HTR4: variants seen among roughly 807,000 people sequenced by gnomAD.
HTR4 encodes the protein 5-hydroxytryptamine receptor 4.
Under a neutral mutation model 36.8 loss-of-function variants are expected in HTR4, and 16 were observed. The observed-to-expected ratio is 0.43, with a 90% CI of 0.29 to 0.66. The LOEUF is 0.66. Ranked by LOEUF, HTR4 falls within the 30% of genes least tolerant of loss-of-function variation. The probability of loss-of-function intolerance (pLI) is 0.13; values close to 1 mark genes in which losing one functional copy is unlikely to be tolerated. For synonymous variants in HTR4, 189 were observed against 185.1 expected (o/e 1.02, Z -0.17); for missense variants, 438 against 490.9 (o/e 0.89, Z 1.02).
intron 6 of HTR4, among the ~76,000 whole-genome samples, chr5:148,499,417 T>C (rs1010248469): frequency 2.6e-5 from 4 of 152,144 alleles, no homozygotes; most frequent in Non-Finnish European, 5.9e-5. Flanking sequence ...ATTTTATACA[T>C]GCAGCTAGAA....
chr5:148,500,141 C>T lies in HTR4; in HGVS notation c.1076+9315G>A, dbSNP rs187655382. On this transcript the variant is annotated intron_variant, in intron 6 of 6. Transcript: ENST00000377888. ...TAAGAATTCTGTTTTGGTTGCATCA[C>T]ATTTCATTTAAGATTTCCAAGAGAC... Among the ~76,000 whole-genome samples the T allele has an allele frequency of 5.9e-5, 9 of 152,278 alleles. No homozygotes were observed. The East Asian group carries it at 1.7e-3, about 29-fold the overall frequency.
chr5:148,654,328 C>T lies in HTR4; in HGVS notation c.-314G>A, dbSNP rs115437789. 127,734 of 985,356 alleles carry T rather than the reference C, an allele frequency of 0.13. 8,698 individuals are homozygous for T. Among genetic ancestry groups the T allele is most frequent in the Admixed American group, 0.16 (2,548 of 16,286 alleles). The allele number at this position is 985,356 out of a possible 1,614,324, so 61.0% of individuals were successfully genotyped here. On this transcript the variant is annotated 5_prime_UTR_variant, in exon 1 of 7. Coordinates refer to ENST00000377888, the MANE Select transcript of HTR4 (RefSeq NM_000870.7). The stretch of plus-strand genomic sequence containing the variant: ...CGTCCTTCTCCCCAACCGAGCCGGA[C>T]TCCACGGGCTCAACAGCCCCCAGCC...
intron 2 of HTR4, among the ~76,000 whole-genome samples, chr5:148,635,237 C>T (rs1018745365): frequency 6.6e-6 from 1 of 152,118 alleles, no homozygotes; most frequent in Non-Finnish European, 1.5e-5. Context: ...GTATTCCTAA[C>T]AATTCATGCA....
intron 4 of HTR4, among the ~76,000 whole-genome samples, chr5:148,524,871 T>C (rs1374891170): frequency 6.6e-6 from 1 of 151,992 alleles, no homozygotes; most frequent in East Asian, 1.9e-4. Context: ...GGTAGTAGGA[T>C]GGGTTGAGAG....
At chr5:148,595,318 A>C (rs1487595100) in intron 2 of HTR4, among the ~76,000 whole-genome samples, 1 of 152,146 alleles carries the variant, frequency 6.6e-6, no homozygotes, top group South Asian at 2.1e-4. Context: ...CACCACGACC[A>C]ATGGACACAG....
intron 2 of HTR4, among the ~76,000 whole-genome samples, chr5:148,569,038 A>G (rs10477386): frequency 0.021 from 3,189 of 152,142 alleles, 115 homozygotes; most frequent in African/African-American, 0.072. Flanking sequence ...TAAACAATGA[A>G]ACCAGGGAAG....
chr5:148,533,828 T>C (rs745474150), intron 4 of HTR4, among the ~76,000 whole-genome samples: 4 of 152,242 alleles, frequency 2.6e-5, no homozygotes, highest in African/African-American at 4.8e-5. Context: ...GATGAAATAA[T>C]ATGTTTAAAA....
intron 2 of HTR4, among the ~76,000 whole-genome samples, chr5:148,580,772 T>A (rs1207187358): frequency 6.6e-6 from 1 of 152,122 alleles, no homozygotes; most frequent in African/African-American, 2.4e-5. Flanking sequence ...TATTCATTCA[T>A]CTGTTGATAG....
intron 5 of HTR4, chr5:148,465,820 C>A: frequency 6.3e-7 from 1 of 1,597,030 alleles, no homozygotes; most frequent in Non-Finnish European, 8.5e-7. Context: ...CAGACACAGA[C>A]AGACTCACAA....
intron 2 of HTR4, among the ~76,000 whole-genome samples, chr5:148,573,503 G>T (rs1426851918): frequency 6.6e-6 from 1 of 152,028 alleles, no homozygotes; most frequent in Non-Finnish European, 1.5e-5. Flanking sequence ...GGGGGTTAAA[G>T]TGTGTGTGTC....
chr5:148,484,499 A>G, intron 6 of HTR4: 1 of 874,942 alleles, frequency 1.1e-6, no homozygotes, highest in Non-Finnish European at 1.7e-6. Flanking sequence ...AATTGGGGCA[A>G]TATTTACTAT....
intron 2 of HTR4, among the ~76,000 whole-genome samples, chr5:148,570,049 G>A (rs570954745): frequency 5.3e-5 from 8 of 152,212 alleles, no homozygotes; most frequent in South Asian, 4.1e-4. Flanking sequence ...GAAGGATAAT[G>A]TACTGCTCTT....
At chr5:148,615,899 C>G (rs889160846) in intron 2 of HTR4, among the ~76,000 whole-genome samples, 1 of 152,076 alleles carries the variant, frequency 6.6e-6, no homozygotes, top group Non-Finnish European at 1.5e-5. Flanking sequence ...CTAAATTGAC[C>G]CAGATGCTGT....
chr5:148,557,279 G>A (rs1402551431), intron 2 of HTR4, among the ~76,000 whole-genome samples: 2 of 151,930 alleles, frequency 1.3e-5, no homozygotes, highest in East Asian at 1.9e-4. Context: ...AGAAGTGGGT[G>A]GAATAAAGGT....
At chr5:148,505,761 C>T (rs1408262988) in intron 6 of HTR4, among the ~76,000 whole-genome samples, 1 of 152,136 alleles carries the variant, frequency 6.6e-6, no homozygotes, top group Non-Finnish European at 1.5e-5. Flanking sequence ...CATGAGTGAA[C>T]TCCCAATCAC....
intron 5 of HTR4, among the ~76,000 whole-genome samples, chr5:148,453,936 C>T (rs1755035553): frequency 6.6e-6 from 1 of 152,162 alleles, no homozygotes; most frequent in Non-Finnish European, 1.5e-5. Flanking sequence ...AATGGTCAGA[C>T]TCTGGATATA....
At chr5:148,596,144 T>C (rs1485219154) in intron 2 of HTR4, among the ~76,000 whole-genome samples, 2 of 152,238 alleles carry the variant, frequency 1.3e-5, no homozygotes, top group East Asian at 1.9e-4. Context: ...GTATGGATTA[T>C]AGTTATTTGG....
chr5:148,499,260 A>G lies in HTR4; in HGVS notation c.1076+10196T>C, dbSNP rs146632237. ...ACTTAGGGCTCTCAAATATAGTAACAAACATTCTTTTCTGGAATAATGTTA... is the reference window on the plus strand; with the variant it reads ...ACTTAGGGCTCTCAAATATAGTAACGAACATTCTTTTCTGGAATAATGTTA... On this transcript the variant is annotated intron_variant, in intron 6 of 6. Coordinates refer to ENST00000377888, the MANE Select transcript of HTR4 (RefSeq NM_000870.7). Among the ~76,000 whole-genome samples, 586 of 152,308 alleles carry G rather than the reference A, an allele frequency of 3.8e-3. 5 individuals carry two copies. The highest frequency in any genetic ancestry group is 0.014 in the African/African-American group (562 of 41,576).
At chr5:148,494,048 G>C (rs564449042) in intron 6 of HTR4, among the ~76,000 whole-genome samples, 6 of 152,178 alleles carry the variant, frequency 3.9e-5, no homozygotes, top group Admixed American at 6.5e-5. Context: ...CCAATTCACA[G>C]TGTGAAAACC....
Sources: allele counts gnomAD v4.1 joint callset (sites outside exome capture counted in the v4.1 genomes callset), GRCh38; gene constraint gnomAD v4.1.1; transcripts MANE v1.5; gene names NCBI Gene and HGNC (gene_info 2026-07-23, HGNC 2026-07-21).